The following SASH1 variants were observed in gnomAD, a reference collection of about 807,000 sequenced individuals.
SASH1 encodes SAM and SH3 domain containing 1, also known as SAM and SH3 domain-containing protein 1.
SASH1 carries 44 observed loss-of-function variants against 125.2 expected under a neutral mutation model. The observed-to-expected ratio is 0.35, with a 90% CI of 0.28 to 0.45. The LOEUF (loss-of-function observed/expected upper bound fraction) is 0.45. Ranked by LOEUF, SASH1 falls within the 20% of genes least tolerant of loss-of-function variation. The pLI, the probability that SASH1 is intolerant of heterozygous loss-of-function variation, is 1.00. For synonymous variants in SASH1, 639 were observed against 649.1 expected (o/e 0.98, Z 0.24); for missense variants, 1,426 against 1,614.5 (o/e 0.88, Z 2.00).
intron 1 of SASH1, among the ~76,000 whole-genome samples, chr6:148,347,635 G>C (rs896064889): frequency 1.3e-5 from 2 of 152,172 alleles, no homozygotes; most frequent in African/African-American, 4.8e-5. Context: ...TAATTTACAT[G>C]TTCTCTTGGG....
At chr6:148,232,691 G>T in the SASH1 span, among the ~76,000 whole-genome samples, 1 of 152,164 alleles carries the variant, frequency 6.6e-6, no homozygotes, top group African/African-American at 2.4e-5. Flanking sequence ...GCCAAAGATT[G>T]TGAGGAAGGA....
chr6:148,343,261 G>A (rs1314865987), intron 1 of SASH1, 38 bp downstream of exon 1: 4 of 1,548,518 alleles, frequency 2.6e-6, no homozygotes, highest in African/African-American at 1.4e-5. Flanking sequence ...AGGAAGTACA[G>A]TTCGCAGCAG....
chr6:148,476,010 A>G (rs775950921), intron 7 of SASH1, among the ~76,000 whole-genome samples: 2 of 152,204 alleles, frequency 1.3e-5, no homozygotes, highest in Non-Finnish European at 2.9e-5. Flanking sequence ...AGTCCTAGCT[A>G]TAGCAATCAG....
At chr6:148,402,468 C>T (rs1220799282) in intron 2 of SASH1, among the ~76,000 whole-genome samples, 3 of 151,986 alleles carry the variant, frequency 2.0e-5, no homozygotes, top group African/African-American at 7.3e-5. Flanking sequence ...TACCACCATG[C>T]CGGACTTTTT....
chr6:148,396,159 A>G (rs756082331), intron 2 of SASH1, among the ~76,000 whole-genome samples: 2 of 147,410 alleles, frequency 1.4e-5, no homozygotes, highest in Admixed American at 1.3e-4. Flanking sequence ...AAAATATTGC[A>G]TATTATAACT....
upstream of SASH1, among the ~76,000 whole-genome samples, chr6:148,271,526 A>C (rs1006935351): frequency 2.0e-5 from 3 of 152,016 alleles, no homozygotes; most frequent in African/African-American, 7.3e-5. Flanking sequence ...AGACTGTATA[A>C]AACTTTTGTT....
At chr6:148,530,158 G>T (rs956968984) in intron 12 of SASH1, among the ~76,000 whole-genome samples, 3 of 152,080 alleles carry the variant, frequency 2.0e-5, no homozygotes, top group Admixed American at 1.3e-4. Context: ...TTATGGTAGG[G>T]ATATTTGTTT....
intron 5 of SASH1, 172 bp downstream of exon 5, chr6:148,468,757 A>G (rs1454817206): frequency 1.9e-6 from 1 of 533,524 alleles, no homozygotes. Flanking sequence ...AAAAAAATAT[A>G]ATTGTGATCA....
the SASH1 span, among the ~76,000 whole-genome samples, chr6:148,203,861 A>G: frequency 3.0e-3 from 463 of 152,320 alleles, 1 homozygote; most frequent in Non-Finnish European, 5.3e-3. Flanking sequence ...TCACTTTGCT[A>G]TCTTCTTCCA....
At chr6:148,320,881 G>A (rs550986876) in intron 1 of SASH1, among the ~76,000 whole-genome samples, 2 of 152,278 alleles carry the variant, frequency 1.3e-5, no homozygotes, top group South Asian at 4.1e-4. Context: ...CTCATAGTCT[G>A]AGTCCAGTTT....
chr6:148,430,752 A>G lies in SASH1; in HGVS notation c.286-9432A>G, dbSNP rs115662570. 4.7e-3 allele frequency among the ~76,000 whole-genome samples: 719 copies of G among 152,364 alleles called. 8 individuals carry two copies. Among genetic ancestry groups the G allele is most frequent in the African/African-American group, 0.017 (694 of 41,592 alleles). On this transcript the variant is annotated intron_variant, in intron 2 of 19. Transcript: ENST00000367467. ...GATTCAGGAGGTCTGGGATGGGACC[A>G]TGACTGGATGTATAGCAGGTTCCCA...
chr6:148,470,596 A>G (rs1778053661), intron 5 of SASH1, among the ~76,000 whole-genome samples: 1 of 152,250 alleles, frequency 6.6e-6, no homozygotes, highest in Non-Finnish European at 1.5e-5. Flanking sequence ...ATTACGTGTT[A>G]TCAATGATCG....
intron 7 of SASH1, among the ~76,000 whole-genome samples, chr6:148,485,806 G>T (rs1778813693): frequency 1.3e-5 from 2 of 152,156 alleles, no homozygotes; most frequent in African/African-American, 4.8e-5. Flanking sequence ...CAAGCTCCAG[G>T]GCTTCGGGAT....
At chr6:148,260,667 A>G in the SASH1 span, among the ~76,000 whole-genome samples, 1 of 151,760 alleles carries the variant, frequency 6.6e-6, no homozygotes, top group Non-Finnish European at 1.5e-5. Flanking sequence ...AAATAATCTT[A>G]TAGTTGCTCC....
chr6:148,387,625 T>C lies in SASH1; in HGVS notation c.157-2509T>C, dbSNP rs371940818. Among the ~76,000 whole-genome samples, 65 of 63,764 alleles carry C rather than the reference T, an allele frequency of 1.0e-3. 7 individuals are homozygous for C. The highest frequency in any genetic ancestry group is 2.9e-3 in the Admixed American group (14 of 4,872). 41.8% of individuals were successfully genotyped at this position (63,764 alleles called of 152,430 possible). A position where few individuals can be genotyped will look rare whatever the true frequency, so the allele number is the denominator to read the frequency against. On this transcript the variant is annotated intron_variant, in intron 1 of 19. Transcript: ENST00000367467. ...CTTTCTTTCTTTCTTTCTTTCTTTC[T>C]TTCTTTCTTTCTTTCTTTCTTTCTT...
the SASH1 span, among the ~76,000 whole-genome samples, chr6:148,209,224 A>G: frequency 2.0e-5 from 3 of 152,252 alleles, no homozygotes; most frequent in Non-Finnish European, 2.9e-5. Context: ...GACAAAATAT[A>G]TTTGTCTGGC....
chr6:148,513,211 C>G, intron 8 of SASH1: 1 of 985,360 alleles, frequency 1.0e-6, no homozygotes, highest in Non-Finnish European at 1.2e-6. Context: ...AGAGATGAGG[C>G]TTGTTTTTGT....
intron 8 of SASH1, among the ~76,000 whole-genome samples, chr6:148,496,460 T>C (rs747390655): frequency 3.9e-5 from 6 of 152,228 alleles, no homozygotes; most frequent in Non-Finnish European, 7.3e-5. Flanking sequence ...AAACAAAACA[T>C]AGCAATAATT....
At chr6:148,469,335 T>C (rs999626013) in intron 5 of SASH1, among the ~76,000 whole-genome samples, 27 of 152,322 alleles carry the variant, frequency 1.8e-4, no homozygotes, top group African/African-American at 6.3e-4. Context: ...TGCCTGGATA[T>C]AGTAGCTGAA....
Sources: gnomAD v4.1 joint callset for allele counts (sites outside exome capture counted in the v4.1 genomes callset) on GRCh38, gnomAD v4.1.1 for gene constraint, MANE v1.5 for transcripts, NCBI Gene and HGNC (gene_info 2026-07-23, HGNC 2026-07-21) for gene names.